Variants in KCNC4 observed in about 807,000 individuals in gnomAD.
The protein encoded by KCNC4 is potassium voltage-gated channel subfamily C member 4.
KCNC4 carries 23 observed loss-of-function variants against 42.8 expected under a neutral mutation model. That is an observed-to-expected ratio of 0.54 (90% CI 0.39 to 0.76). The LOEUF (loss-of-function observed/expected upper bound fraction) is 0.76. Among genes scored for constraint, KCNC4 ranks in the 30% least tolerant of loss-of-function variants. The pLI is 0.00. For synonymous variants in KCNC4, 422 were observed against 393.5 expected (o/e 1.07, Z -0.86); for missense variants, 751 against 898.2 (o/e 0.84, Z 2.10).
chr1:110,258,771 A>G (rs963068477), intron 1 of KCNC4, among the ~76,000 whole-genome samples: 1 of 152,180 alleles, frequency 6.6e-6, no homozygotes, highest in Non-Finnish European at 1.5e-5. Context: ...GAAATCTACC[A>G]TATCACCCTA....
chr1:110,279,699 G>GA (rs1200004353), intron 1 of KCNC4, among the ~76,000 whole-genome samples: 1 of 151,918 alleles, frequency 6.6e-6, no homozygotes, highest in African/African-American at 2.4e-5. Flanking sequence ...ATGGCTATGA[G>GA]AGAGAGCTTT....
chr1:110,216,454 C>T (rs1437635079), intron 1 of KCNC4, among the ~76,000 whole-genome samples: 1 of 152,250 alleles, frequency 6.6e-6, no homozygotes, highest in Non-Finnish European at 1.5e-5. Context: ...CTCCCAGTTT[C>T]CTCTTGGGTT....
At chr1:110,256,242 C>T (rs938269868) in intron 1 of KCNC4, among the ~76,000 whole-genome samples, 4 of 152,098 alleles carry the variant, frequency 2.6e-5, no homozygotes, top group African/African-American at 7.2e-5. Context: ...GATGAAAACC[C>T]AAGGCTCCAA....
intron 3 of KCNC4, among the ~76,000 whole-genome samples, chr1:110,227,592 T>C (rs1658467566): frequency 6.6e-6 from 1 of 152,182 alleles, no homozygotes; most frequent in African/African-American, 2.4e-5. Context: ...TTTGGCCTTC[T>C]CTCCCGCCGA....
intron 1 of KCNC4, among the ~76,000 whole-genome samples, chr1:110,266,168 A>G (rs1272801002): frequency 6.6e-6 from 1 of 152,214 alleles, no homozygotes; most frequent in Admixed American, 6.5e-5. Context: ...ATGGGCAGGG[A>G]AGCAAGTTAA....
intron 1 of KCNC4, 85 bp from the exon 2 acceptor site, chr1:110,222,879 A>G: frequency 2.1e-6 from 2 of 959,968 alleles, no homozygotes; most frequent in Non-Finnish European, 3.2e-6. Context: ...CTTCCTGGTA[A>G]CCTTCATGCA....
downstream of KCNC4, among the ~76,000 whole-genome samples, chr1:110,250,145 C>G (rs1228875555): frequency 6.6e-6 from 1 of 152,202 alleles, no homozygotes; most frequent in Non-Finnish European, 1.5e-5. Flanking sequence ...CACAGCTCCC[C>G]TTTCCCGGGC....
chr1:110,250,276 C>T (rs1659227539), downstream of KCNC4, among the ~76,000 whole-genome samples: 1 of 152,158 alleles, frequency 6.6e-6, no homozygotes, highest in African/African-American at 2.4e-5. Context: ...GGTCTCTCCT[C>T]CCTCCTCCAT....
At chr1:110,266,658 C>T (rs142536532) in intron 1 of KCNC4, among the ~76,000 whole-genome samples, 70 of 152,306 alleles carry the variant, frequency 4.6e-4, no homozygotes, top group South Asian at 2.7e-3. Flanking sequence ...TTGAACCCAG[C>T]CTAGCTCCAG....
At chr1:110,274,362 A>G (rs1659682701) in intron 1 of KCNC4, among the ~76,000 whole-genome samples, 1 of 152,236 alleles carries the variant, frequency 6.6e-6, no homozygotes, top group Non-Finnish European at 1.5e-5. Context: ...GAAACTGTAG[A>G]TGATATAAAC....
chr1:110,247,558 T>TTTC (rs142421968), exon 4 of KCNC4: 4,593 of 70,632 alleles, frequency 0.065, 227 homozygotes, highest in East Asian at 0.2. Flanking sequence ...CTTTTTTCTT[T>TTTC]TTTTTTTTTT....
chr1:110,227,923 G>A (rs531535185), intron 3 of KCNC4, among the ~76,000 whole-genome samples: 261 of 152,284 alleles, frequency 1.7e-3, no homozygotes, highest in African/African-American at 5.5e-3. Context: ...TCCCTGGGGT[G>A]CCTGTGGGGC....
At chr1:110,219,091 C>A (rs1274304161) in intron 1 of KCNC4, among the ~76,000 whole-genome samples, 1 of 152,216 alleles carries the variant, frequency 6.6e-6, no homozygotes. Context: ...CCATGAAAAT[C>A]AGGACAAGCA....
chr1:110,267,161 G>A (rs1166398608), intron 1 of KCNC4, among the ~76,000 whole-genome samples: 1 of 152,162 alleles, frequency 6.6e-6, no homozygotes, highest in African/African-American at 2.4e-5. Context: ...AAAGGTGCTG[G>A]TTTTCTGAGA....
At chr1:110,215,753 A>G (rs2784144) in intron 1 of KCNC4, among the ~76,000 whole-genome samples, 94,957 of 152,036 alleles carry the variant, frequency 0.62, 30,141 homozygotes, top group African/African-American at 0.7. Flanking sequence ...GGTGAGGCAG[A>G]TATTGTTAAC....
intron 1 of KCNC4, among the ~76,000 whole-genome samples, chr1:110,264,990 A>G (rs1413300774): frequency 1.3e-5 from 2 of 150,410 alleles, no homozygotes; most frequent in East Asian, 4.0e-4. Context: ...CTGGGGCGGG[A>G]GAATCACTTG....
intron 1 of KCNC4, among the ~76,000 whole-genome samples, chr1:110,277,830 GTTA>G (rs770349869): frequency 1.8e-4 from 27 of 152,186 alleles, no homozygotes; most frequent in Non-Finnish European, 8.8e-5. Context: ...TGTGTGGGGT[GTTA>G]TTAGAAGAAT....
chr1:110,245,631 G>A (rs909885405), exon 4 of KCNC4: 1 of 152,198 alleles, frequency 6.6e-6, no homozygotes. Context: ...CCATAAGGAA[G>A]CTGATTTAAG....
At chr1:110,227,244 T>C (rs1385242589) in intron 3 of KCNC4, among the ~76,000 whole-genome samples, 1 of 152,198 alleles carries the variant, frequency 6.6e-6, no homozygotes, top group Non-Finnish European at 1.5e-5. Context: ...AGGAATAGCC[T>C]GTGATGCCTC....
Sources: gnomAD v4.1 joint callset for allele counts (sites outside exome capture counted in the v4.1 genomes callset) on GRCh38, gnomAD v4.1.1 for gene constraint, MANE v1.5 for transcripts, NCBI Gene and HGNC (gene_info 2026-07-23, HGNC 2026-07-21) for gene names.